ATXN7L1: variants seen among roughly 807,000 people sequenced by gnomAD.
ATXN7L1 encodes the protein ataxin-7-like protein 1.
In ATXN7L1, 15 loss-of-function variants were observed where a neutral mutation model predicts 70.8. That is an observed-to-expected ratio of 0.21 (90% CI 0.14 to 0.33). The LOEUF (loss-of-function observed/expected upper bound fraction) is 0.33, where lower values mean the gene tolerates loss of function less well. ATXN7L1 is among the 10% of genes least tolerant of loss of function. The pLI, the probability that ATXN7L1 is intolerant of heterozygous loss-of-function variation, is 1.00. For synonymous variants in ATXN7L1, 440 were observed against 445.1 expected, an observed-to-expected ratio of 0.99 and a Z score of 0.14; for missense variants, 975 against 1,097.1, an observed-to-expected ratio of 0.89 and a Z score of 1.57.
At chr7:105,634,021 T>G (rs76202603) in intron 7 of ATXN7L1, among the ~76,000 whole-genome samples, 4 of 152,102 alleles carry the variant, frequency 2.6e-5, no homozygotes, top group African/African-American at 2.4e-5. Context: ...GGAGGTGATA[T>G]AGTGGTGGAT....
At chr7:105,670,965 G>T (rs1383232737) in intron 3 of ATXN7L1, among the ~76,000 whole-genome samples, 1 of 152,066 alleles carries the variant, frequency 6.6e-6, no homozygotes, top group Non-Finnish European at 1.5e-5. Context: ...AATTAGCCCG[G>T]CGAGGTGGCG....
At chr7:105,634,004 G>A (rs947798435) in intron 7 of ATXN7L1, among the ~76,000 whole-genome samples, 35 of 152,164 alleles carry the variant, frequency 2.3e-4, no homozygotes, top group African/African-American at 8.2e-4. Context: ...GGTGCATGCA[G>A]CCTCCTGGAG....
intron 4 of ATXN7L1, among the ~76,000 whole-genome samples, chr7:105,661,451 G>A (rs927846884): frequency 1.3e-5 from 2 of 152,150 alleles, no homozygotes; most frequent in Non-Finnish European, 2.9e-5. Flanking sequence ...GAGGCAGTGA[G>A]GAACTTTGTG....
intron 7 of ATXN7L1, among the ~76,000 whole-genome samples, chr7:105,630,594 C>A (rs974511306): frequency 6.6e-6 from 1 of 152,088 alleles, no homozygotes; most frequent in African/African-American, 2.4e-5. Context: ...TGGTGACAGG[C>A]ACCTATAGTC....
At chr7:105,622,814 G>C (rs1367387451) in intron 8 of ATXN7L1, among the ~76,000 whole-genome samples, 1 of 152,158 alleles carries the variant, frequency 6.6e-6, no homozygotes, top group Non-Finnish European at 1.5e-5. Context: ...CCCCTTTTCT[G>C]TTTGTCCCTT....
chr7:105,728,873 T>C (rs1388821554), intron 3 of ATXN7L1, among the ~76,000 whole-genome samples: 1 of 152,038 alleles, frequency 6.6e-6, no homozygotes, highest in Non-Finnish European at 1.5e-5. Flanking sequence ...TGGCCAAAAC[T>C]GGAGGAATTT....
At chr7:105,798,938 T>G (rs1487163560) in intron 2 of ATXN7L1, among the ~76,000 whole-genome samples, 1 of 152,248 alleles carries the variant, frequency 6.6e-6, no homozygotes, top group African/African-American at 2.4e-5. Context: ...CCGCTAAGAC[T>G]AGAACAATGA....
chr7:105,614,354 AGAGGAG>A lies in ATXN7L1; in HGVS notation c.1974_1979del (p.Ser660_Ser661del), dbSNP rs150182467. 1,387 of 1,550,302 alleles carry A rather than the reference AGAGGAG, an allele frequency of 8.9e-4. 3 individuals carry two copies. The East Asian group carries it at 0.017, about 19-fold the overall frequency. ...GAGACGAGAGGGATGTCTGCAAGGAAGAGGAGGAGGAGGAGGAGGAGGAGGAAGTCG... is the reference window on the plus strand; with the variant it reads ...GAGACGAGAGGGATGTCTGCAAGGAAGAGGAGGAGGAGGAGGAGGAAGTCG... On this transcript the variant is annotated inframe_deletion, in exon 10 of 12. Transcript: ENST00000419735. The surrounding 1 kb of genome is among the most constrained non-coding windows in gnomAD (Gnocchi z 4.3).
At chr7:105,715,877 G>T (rs964162735) in intron 3 of ATXN7L1, among the ~76,000 whole-genome samples, 1 of 152,162 alleles carries the variant, frequency 6.6e-6, no homozygotes, top group Non-Finnish European at 1.5e-5. Context: ...CCATTTCTGG[G>T]CATATGGATA....
At chr7:105,821,446 G>A (rs1810148066) in intron 2 of ATXN7L1, among the ~76,000 whole-genome samples, 1 of 152,248 alleles carries the variant, frequency 6.6e-6, no homozygotes, top group Non-Finnish European at 1.5e-5. Flanking sequence ...CCTGTGCAGT[G>A]AGTCTGGGTT....
At chr7:105,800,624 C>G (rs959630889) in intron 2 of ATXN7L1, among the ~76,000 whole-genome samples, 4 of 152,176 alleles carry the variant, frequency 2.6e-5, no homozygotes, top group Admixed American at 6.5e-5. Context: ...TGAATCAAAG[C>G]TGCCTTAGAC....
At chr7:105,814,846 A>G (rs1808957152) in intron 2 of ATXN7L1, among the ~76,000 whole-genome samples, 1 of 152,238 alleles carries the variant, frequency 6.6e-6, no homozygotes, top group South Asian at 2.1e-4. Flanking sequence ...TTTAAATAAG[A>G]AGAGAATGTT....
At chr7:105,715,862 A>G (rs1368197345) in intron 3 of ATXN7L1, among the ~76,000 whole-genome samples, 1 of 152,176 alleles carries the variant, frequency 6.6e-6, no homozygotes, top group East Asian at 1.9e-4. Flanking sequence ...AGTCAAACCA[A>G]TCCTCCATTT....
chr7:105,842,888 G>A (rs1813434204), intron 2 of ATXN7L1, among the ~76,000 whole-genome samples: 1 of 152,104 alleles, frequency 6.6e-6, no homozygotes, highest in South Asian at 2.1e-4. Flanking sequence ...AATATATATA[G>A]TATTATAGCC....
intron 7 of ATXN7L1, among the ~76,000 whole-genome samples, chr7:105,637,042 A>G (rs1046126453): frequency 6.6e-6 from 1 of 152,236 alleles, no homozygotes; most frequent in Admixed American, 6.5e-5. Flanking sequence ...AGAAGTCATT[A>G]TAAAATGATC....
At chr7:105,784,219 C>T (rs780242167) in intron 3 of ATXN7L1, among the ~76,000 whole-genome samples, 2 of 152,152 alleles carry the variant, frequency 1.3e-5, no homozygotes, top group African/African-American at 4.8e-5. Context: ...CTCCCTTGGC[C>T]TCCCAAAATG....
intron 2 of ATXN7L1, among the ~76,000 whole-genome samples, chr7:105,828,257 G>A (rs917240628): frequency 3.3e-5 from 5 of 152,104 alleles, no homozygotes; most frequent in Non-Finnish European, 5.9e-5. Context: ...CATTTTTACC[G>A]CACAAGTAGT....
chr7:105,736,648 G>C (rs1584882383), intron 3 of ATXN7L1, among the ~76,000 whole-genome samples: 3 of 152,168 alleles, frequency 2.0e-5, no homozygotes, highest in African/African-American at 4.8e-5. Context: ...GATTGGAGCT[G>C]TAAACCAGGC....
intron 2 of ATXN7L1, among the ~76,000 whole-genome samples, chr7:105,864,726 C>T (rs1015056336): frequency 6.6e-6 from 1 of 151,848 alleles, no homozygotes; most frequent in Non-Finnish European, 1.5e-5. Flanking sequence ...CTCCGCCTCC[C>T]GAATTCAAGC....
Sources: gnomAD v4.1 joint callset for allele counts (sites outside exome capture counted in the v4.1 genomes callset) on GRCh38, gnomAD v4.1.1 for gene constraint, Gnocchi (gnomAD v3.1) non-coding constraint, MANE v1.5 for transcripts, NCBI Gene and HGNC (gene_info 2026-07-23, HGNC 2026-07-21) for gene names.